PARVB: variants seen among roughly 807,000 people sequenced by gnomAD.
PARVB encodes beta-parvin.
PARVB carries 46 observed loss-of-function variants against 47.0 expected under a neutral mutation model. That is an observed-to-expected ratio of 0.98 (90% CI 0.77 to 1.25). The LOEUF is 1.25. Ranked by LOEUF, PARVB falls within the 50% of genes most tolerant of loss-of-function variation. The probability of loss-of-function intolerance (pLI) is 0.00; values close to 1 mark genes in which losing one functional copy is unlikely to be tolerated. For missense variants in PARVB, 473 were observed against 471.6 expected (o/e 1.00, Z -0.03); for synonymous variants, 196 against 196.3 (o/e 1.00, Z 0.01).
At chr22:44,140,249 G>A (rs549624577) in intron 8 of PARVB, 106 bp downstream of exon 8, 2 of 1,089,678 alleles carry the variant, frequency 1.8e-6, no homozygotes, top group East Asian at 4.7e-5. Flanking sequence ...AAACTAGATG[G>A]GTCTCACTGC....
intron 4 of PARVB, among the ~76,000 whole-genome samples, chr22:44,122,319 C>G (rs550140302): frequency 6.6e-6 from 1 of 151,876 alleles, no homozygotes; most frequent in Non-Finnish European, 1.5e-5. Flanking sequence ...AGTGGGACCT[C>G]GTCTCTACAA....
At chr22:44,129,723 G>A (rs1274617172) in intron 4 of PARVB, among the ~76,000 whole-genome samples, 1 of 152,236 alleles carries the variant, frequency 6.6e-6, no homozygotes, top group Non-Finnish European at 1.5e-5. Context: ...AGATGAATAA[G>A]CGGGAATCGT....
intron 2 of PARVB, among the ~76,000 whole-genome samples, chr22:44,002,294 G>A (rs1055462486): frequency 4.6e-5 from 7 of 152,274 alleles, no homozygotes; most frequent in African/African-American, 7.2e-5. Context: ...TTCAGCTTTC[G>A]GGGTCCTCCC....
Position 44,046,720 on chromosome 22 carries a change from C to T in PARVB, c.112+22269C>T, listed in dbSNP as rs567235944. Among the ~76,000 whole-genome samples the T allele has an allele frequency of 1.1e-4, 17 of 152,340 alleles. No homozygotes were observed. In the East Asian group the frequency reaches 3.1e-3, roughly 28 times the overall value. On this transcript the variant is annotated intron_variant, in intron 1 of 12. Transcript: ENST00000338758. ...TGGCTGGAGTGATGTGATAACTCCA[C>T]AAAAGGTTCTGGCAGAATCCCAGAC...
Position 44,119,048 on chromosome 22 carries a change from A to T in PARVB, c.284A>T (p.Asp95Val), listed in dbSNP as rs1418082663. 1.2e-6 allele frequency: 2 copies of T among 1,613,518 alleles called. No individual in the cohort carries two copies. ...KFKELVKVLLDWINDVLVEER... is the reference protein window; with the variant it reads ...KFKELVKVLLVWINDVLVEER... ...CTGCGTCTCCTGCAGGTCCTCCTCG[A>T]CTGGATTAATGACGTGCTGGTGGAG... The change falls in exon 4 of 13, where the codon GAC becomes GTC. Residue 95 changes from aspartate to valine, a missense_variant. Physicochemically the swap from Asp to Val is radical, Grantham distance 152. Transcript: ENST00000338758.
chr22:44,094,804 T>C (rs947986661), intron 2 of PARVB, among the ~76,000 whole-genome samples: 1 of 151,776 alleles, frequency 6.6e-6, no homozygotes, highest in African/African-American at 2.4e-5. Context: ...ACACCCTTAC[T>C]GTGGCTTTCT....
At chr22:44,092,714 T>G (rs1040599159) in intron 1 of PARVB, among the ~76,000 whole-genome samples, 3 of 152,196 alleles carry the variant, frequency 2.0e-5, no homozygotes, top group Admixed American at 2.0e-4. Flanking sequence ...AAATGCCATA[T>G]GGAGAAATAG....
intron 8 of PARVB, chr22:44,140,971 A>C (rs1167981335): frequency 1.2e-5 from 2 of 165,410 alleles, no homozygotes; most frequent in Admixed American, 5.8e-5. Context: ...CAAAAGAGAA[A>C]CCTCTTGACC....
intron 1 of PARVB, among the ~76,000 whole-genome samples, chr22:44,090,373 C>T (rs2052136733): frequency 6.6e-6 from 1 of 152,240 alleles, no homozygotes; most frequent in Non-Finnish European, 1.5e-5. Context: ...TCAGAATGCG[C>T]TGCTGAGCAG....
chr22:44,135,171 A>G (rs1422984879), intron 6 of PARVB, among the ~76,000 whole-genome samples: 1 of 152,144 alleles, frequency 6.6e-6, no homozygotes. Context: ...TGGTGGTTGG[A>G]TTAGCCACCC....
chr22:44,132,927 A>G lies in PARVB; in HGVS notation c.551A>G (p.His184Arg), dbSNP rs1164945550. Residue 184 changes from histidine (H) to arginine (R), a missense_variant, in exon 6 of 13, where the codon CAC becomes CGC. His to Arg is a conservative substitution (Grantham distance 29, BLOSUM62 0). Transcript: ENST00000338758. ...IHGKNLVAIL[H>R]LLVSLAMHFR... ...GGGAAGAACCTGGTGGCCATCCTCCACCTGCTGGTCTCTCTGGCCATGCAC... is the reference window on the plus strand; with the variant it reads ...GGGAAGAACCTGGTGGCCATCCTCCGCCTGCTGGTCTCTCTGGCCATGCAC... The G allele has an allele frequency of 6.2e-7, 1 of 1,613,578 alleles. No individual in the cohort carries two copies. Among genetic ancestry groups the G allele is most frequent in the East Asian group, 2.2e-5 (1 of 44,864 alleles).
intron 6 of PARVB, among the ~76,000 whole-genome samples, chr22:44,135,529 T>G (rs747241002): frequency 6.6e-6 from 1 of 152,184 alleles, no homozygotes; most frequent in South Asian, 2.1e-4. Flanking sequence ...AGTGCTGGGA[T>G]TACAGCTGTG....
At position 44,104,000 on chromosome 22, in the gene PARVB, T is replaced by C. The variant is rs1733706600; in HGVS notation, c.273+3877T>C. On this transcript the variant is annotated intron_variant, in intron 3 of 12. Transcript: ENST00000338758. The surrounding 1 kb of genome is among the most constrained non-coding windows in gnomAD (Gnocchi z 4.6). ...GAGCCGTTGGAAGCCCCTGGGTTTG[T>C]GTTAATTTGTTACAGTAGCCACAAG... The C allele has an allele frequency of 6.6e-6, 1 of 152,228 alleles. No homozygotes were observed. Among genetic ancestry groups the C allele is most frequent in the South Asian group, 2.1e-4 (1 of 4,836 alleles). The allele number at this position is 152,228 out of a possible 1,614,324, so 9.4% of individuals were successfully genotyped here. A position where few individuals can be genotyped will look rare whatever the true frequency, so the allele number is the denominator to read the frequency against.
chr22:44,081,456 A>T, intron 1 of PARVB: 2 of 253,572 alleles, frequency 7.9e-6, no homozygotes, highest in Non-Finnish European at 1.2e-5. Flanking sequence ...CTAACGACTT[A>T]ATGATTTAAT....
rs1477361516 is a variant in PARVB at position 44,131,555 on chromosome 22, C to G, written c.445C>G (p.Leu149Val). The part of the protein sequence containing the change: ...TQSEIGQKQK[L>V]QTVLEAVHDL... The stretch of plus-strand genomic sequence containing the variant: ...GTCCGAAATAGGGCAGAAACAGAAG[C>G]TGCAGACGGTGCTGGAAGCAGTACA... Residue 149 changes from leucine to valine, a missense_variant, in exon 5 of 13, where the codon CTG becomes GTG. By Grantham distance (32) the Leu-to-Val change is conservative. Transcript: ENST00000338758. The G allele has an allele frequency of 2.5e-6, 4 of 1,614,050 alleles. No individual in the cohort carries two copies. Among genetic ancestry groups the G allele is most frequent in the African/African-American group, 2.7e-5 (2 of 74,928 alleles).
chr22:44,004,397 AC>A (rs564961476), intron 2 of PARVB, among the ~76,000 whole-genome samples: 6 of 150,660 alleles, frequency 4.0e-5, no homozygotes, highest in East Asian at 2.0e-4. Context: ...GCAAAGTGTG[AC>A]CCCCCCCTTA....
chr22:44,103,758 G>A lies in PARVB; in HGVS notation c.273+3635G>A, dbSNP rs2052505479. On this transcript the variant is annotated intron_variant, in intron 3 of 12. Transcript: ENST00000338758. The surrounding 1 kb of genome is among the most constrained non-coding windows in gnomAD (Gnocchi z 4.6). The stretch of plus-strand genomic sequence containing the variant: ...GCTTGACCCTGGAGGCAAGGTGGTA[G>A]CTTCTGGCTCTGAAGATGGAAGAAG... 6.6e-6 allele frequency: 1 copy of A among 152,264 alleles called. No homozygotes were observed. Among genetic ancestry groups the A allele is most frequent in the South Asian group, 2.1e-4 (1 of 4,830 alleles). 9.4% of individuals were successfully genotyped at this position (152,264 alleles called of 1,614,324 possible). A position where few individuals can be genotyped will look rare whatever the true frequency, so the allele number is the denominator to read the frequency against.
At position 44,089,581 on chromosome 22, in the gene PARVB, C is replaced by T. The variant is rs1406037171; in HGVS notation, c.113-4347C>T. The stretch of plus-strand genomic sequence containing the variant: ...AAAACCAAAACATTCCTGGGATTCA[C>T]TGAAAGCCAGTAAACTGGCACCGTT... On this transcript the variant is annotated intron_variant, in intron 1 of 12. Transcript: ENST00000338758. This position sits in a 1 kb window ranked among gnomAD's most constrained non-coding sequence, Gnocchi z 4.0. 6.7e-6 allele frequency: 1 copy of T among 148,768 alleles called. No homozygotes were observed. Among genetic ancestry groups the T allele is most frequent in the Non-Finnish European group, 1.5e-5 (1 of 67,542 alleles). 9.2% of individuals were successfully genotyped at this position (148,768 alleles called of 1,614,324 possible).
intron 4 of PARVB, among the ~76,000 whole-genome samples, chr22:44,121,051 C>G (rs992774789): frequency 1.2e-4 from 18 of 152,228 alleles, no homozygotes; most frequent in African/African-American, 4.3e-4. Flanking sequence ...CCATGTTGGC[C>G]AGGATGGTCT....
Sources: allele counts gnomAD v4.1 joint callset (sites outside exome capture counted in the v4.1 genomes callset), GRCh38; gene constraint gnomAD v4.1.1; non-coding constraint Gnocchi (gnomAD v3.1); transcripts MANE v1.5; gene names NCBI Gene and HGNC (gene_info 2026-07-23, HGNC 2026-07-21).